MAML3: variants seen among roughly 807,000 people sequenced by gnomAD.
MAML3 encodes mastermind like transcriptional coactivator 3.
MAML3 carries 27 observed loss-of-function variants against 101.9 expected under a neutral mutation model. The ratio of observed to expected loss-of-function variants is 0.27; its 90% confidence interval spans 0.20 to 0.37. The LOEUF (loss-of-function observed/expected upper bound fraction) is 0.37, where lower values mean the gene tolerates loss of function less well. MAML3 is among the 10% of genes least tolerant of loss of function. The probability of loss-of-function intolerance (pLI) is 1.00; values close to 1 mark genes in which losing one functional copy is unlikely to be tolerated. For missense variants in MAML3, 1,316 were observed against 1,444.9 expected, an observed-to-expected ratio of 0.91 and a Z score of 1.45; for synonymous variants, 501 against 555.9, an observed-to-expected ratio of 0.90 and a Z score of 1.39.
intron 1 of MAML3, among the ~76,000 whole-genome samples, chr4:140,022,857 T>C (rs1726753821): frequency 6.6e-6 from 1 of 152,232 alleles, no homozygotes. Flanking sequence ...CAGGTCAAGA[T>C]GGCTATTATA....
intron 1 of MAML3, among the ~76,000 whole-genome samples, chr4:139,900,531 C>G (rs939753292): frequency 1.3e-5 from 2 of 152,154 alleles, no homozygotes; most frequent in African/African-American, 4.8e-5. Flanking sequence ...AGGCTCCTGG[C>G]TTTCTCCCAG....
chr4:140,099,353 A>G (rs985510165), intron 1 of MAML3, among the ~76,000 whole-genome samples: 2 of 152,020 alleles, frequency 1.3e-5, no homozygotes, highest in African/African-American at 4.8e-5. Flanking sequence ...GCATCCACCC[A>G]GTCTCACAAG....
rs773549808 is a variant in MAML3 at position 139,719,935 on chromosome 4, T to C, written c.2805A>G (p.Pro935=). The change falls in exon 5 of 5, where the codon CCA becomes CCG. Residue 935 remains proline (P), a synonymous_variant. Coordinates refer to ENST00000509479, the MANE Select transcript of MAML3 (RefSeq NM_018717.5). ...ITQQHPQMKG[P]VGQALPRPQA... ...GGGGCCTAGGCAAGGCCTGGCCTAC[T>C]GGCCCTTTCATCTGTGGATGTTGCT... 1.9e-6 allele frequency: 3 copies of C among 1,614,082 alleles called. No individual in the cohort carries two copies. The highest frequency in any genetic ancestry group is 1.7e-5 in the Admixed American group (1 of 60,034).
chr4:140,008,877 C>T (rs934104841), intron 1 of MAML3, among the ~76,000 whole-genome samples: 1 of 152,166 alleles, frequency 6.6e-6, no homozygotes, highest in East Asian at 1.9e-4. Flanking sequence ...TGTATTATTT[C>T]GCCACCACGA....
chr4:139,896,607 G>GGTGTGTGTGTGTGTGCGTGTGTGTGT (rs1732617619), intron 1 of MAML3, among the ~76,000 whole-genome samples: 1 of 144,680 alleles, frequency 6.9e-6, no homozygotes, highest in African/African-American at 2.6e-5. Flanking sequence ...CTGTGAAACT[G>GGTGTGTGTGTGTGTGCGTGTGTGTGT]GTGTGTGTGT....
chr4:139,823,759 A>G (rs1350040), intron 2 of MAML3, among the ~76,000 whole-genome samples: 54,139 of 150,644 alleles, frequency 0.36, 10,224 homozygotes, highest in Admixed American at 0.43. Flanking sequence ...TAAGCTGCAC[A>G]AGGGCAGAGT....
intron 2 of MAML3, among the ~76,000 whole-genome samples, chr4:139,868,668 T>C (rs1040770192): frequency 1.3e-5 from 2 of 152,184 alleles, no homozygotes; most frequent in African/African-American, 4.8e-5. Context: ...CTTGTGAAGA[T>C]TAAATGAGGA....
At chr4:140,097,762 C>T (rs1237036454) in intron 1 of MAML3, among the ~76,000 whole-genome samples, 1 of 152,216 alleles carries the variant, frequency 6.6e-6, no homozygotes, top group African/African-American at 2.4e-5. Context: ...ACCTCATCTC[C>T]AAGCTCACGT....
chr4:139,842,175 T>C (rs944829684), intron 2 of MAML3, among the ~76,000 whole-genome samples: 1 of 152,116 alleles, frequency 6.6e-6, no homozygotes, highest in Non-Finnish European at 1.5e-5. Flanking sequence ...CCACACGGAG[T>C]ACAGATCAAC....
At chr4:140,097,842 T>C (rs1213539018) in intron 1 of MAML3, among the ~76,000 whole-genome samples, 1 of 152,212 alleles carries the variant, frequency 6.6e-6, no homozygotes, top group Non-Finnish European at 1.5e-5. Context: ...ATATTTCCAA[T>C]ACTGTGTTTC....
intron 1 of MAML3, among the ~76,000 whole-genome samples, chr4:139,921,818 G>T (rs1253543952): frequency 6.6e-6 from 1 of 152,184 alleles, no homozygotes; most frequent in Non-Finnish European, 1.5e-5. Flanking sequence ...TGGCCTAACG[G>T]ATGCTTGTTT....
intron 2 of MAML3, among the ~76,000 whole-genome samples, chr4:139,810,185 A>ATTTTTT (rs757041549): frequency 2.6e-5 from 3 of 114,624 alleles, no homozygotes; most frequent in Non-Finnish European, 5.5e-5. Context: ...ACCAAAATTG[A>ATTTTTT]TTTTTTTTTT....
At chr4:139,888,886 A>G (rs994307726) in intron 2 of MAML3, among the ~76,000 whole-genome samples, 1 of 152,202 alleles carries the variant, frequency 6.6e-6, no homozygotes, top group African/African-American at 2.4e-5. Context: ...AATATCAACA[A>G]GCCAAATTTC....
intron 2 of MAML3, among the ~76,000 whole-genome samples, chr4:139,886,378 T>C (rs1044832278): frequency 6.6e-6 from 1 of 152,120 alleles, no homozygotes; most frequent in Non-Finnish European, 1.5e-5. Flanking sequence ...TACACATGTA[T>C]GATAGAAAGT....
chr4:140,091,111 G>A (rs1160947285), intron 1 of MAML3, among the ~76,000 whole-genome samples: 4 of 152,056 alleles, frequency 2.6e-5, no homozygotes, highest in African/African-American at 7.2e-5. Flanking sequence ...ATTGGACAGA[G>A]GGCTTTTTCT....
At chr4:140,130,448 C>T (rs1728773439) in intron 1 of MAML3, among the ~76,000 whole-genome samples, 1 of 152,172 alleles carries the variant, frequency 6.6e-6, no homozygotes, top group African/African-American at 2.4e-5. Context: ...AATTGAGAGT[C>T]TAAAAAATTG....
intron 1 of MAML3, among the ~76,000 whole-genome samples, chr4:140,111,376 C>T (rs1187895711): frequency 6.6e-6 from 1 of 152,184 alleles, no homozygotes; most frequent in Non-Finnish European, 1.5e-5. Context: ...CAATAGTTTG[C>T]ATCATTTTCT....
At chr4:140,117,143 G>A (rs1248001375) in intron 1 of MAML3, among the ~76,000 whole-genome samples, 1 of 152,146 alleles carries the variant, frequency 6.6e-6, no homozygotes, top group Non-Finnish European at 1.5e-5. Context: ...GTGATCTGGG[G>A]TGATTTTTAG....
At chr4:139,866,748 C>T (rs1731906424) in intron 2 of MAML3, among the ~76,000 whole-genome samples, 1 of 152,168 alleles carries the variant, frequency 6.6e-6, no homozygotes, top group Admixed American at 6.5e-5. Flanking sequence ...GGTGGGGGAG[C>T]AGTCGGCAAT....
Sources: gnomAD v4.1 joint callset for allele counts (sites outside exome capture counted in the v4.1 genomes callset) on GRCh38, gnomAD v4.1.1 for gene constraint, MANE v1.5 for transcripts, NCBI Gene and HGNC (gene_info 2026-07-23, HGNC 2026-07-21) for gene names.